Variants in GMDS observed in about 807,000 individuals in gnomAD.
The protein encoded by GMDS is GDP-mannose 4,6 dehydratase.
A neutral mutation model predicts 49.9 loss-of-function variants in GMDS; 20 were observed. The ratio of observed to expected loss-of-function variants is 0.40; its 90% CI spans 0.28 to 0.58. The LOEUF is 0.58. GMDS is among the 20% of genes least tolerant of loss of function. GMDS has a pLI of 0.42. For missense variants in GMDS, 362 were observed against 481.4 expected (o/e 0.75, Z 2.32); for synonymous variants, 177 against 178.6 (o/e 0.99, Z 0.07).
At position 1,961,017 on chromosome 6, in the gene GMDS, A is replaced by C. The variant is rs2628450; in HGVS notation, c.346-51T>G. The stretch of plus-strand genomic sequence containing the variant: ...CTGCATTAATAGCTTCATAGCACAA[A>C]GGTGCTGTCAGCAGGAACAAAGACT... On this transcript the variant is annotated intron_variant, in intron 4 of 10. Transcript: ENST00000380815. 1.0e-3 allele frequency: 1,102 copies of C among 1,087,706 alleles called. 7 individuals are homozygous for C. The African/African-American group carries it at 0.014, about 13-fold the overall frequency. 67.4% of individuals were successfully genotyped at this position (1,087,706 alleles called of 1,614,324 possible). A position where few individuals can be genotyped will look rare whatever the true frequency, so the allele number is the denominator to read the frequency against.
At chr6:1,820,991 C>G (rs773647931) in intron 7 of GMDS, among the ~76,000 whole-genome samples, 3 of 152,162 alleles carry the variant, frequency 2.0e-5, no homozygotes, top group Non-Finnish European at 4.4e-5. Context: ...CCAATGTTTT[C>G]TAAACACATG....
intron 1 of GMDS, among the ~76,000 whole-genome samples, chr6:2,193,720 A>ATTTTTTT (rs35997013): frequency 3.6e-5 from 4 of 111,790 alleles, no homozygotes; most frequent in Admixed American, 9.4e-5. Flanking sequence ...TGAAAATGCT[A>ATTTTTTT]TTTTTTTTTT....
intron 9 of GMDS, among the ~76,000 whole-genome samples, chr6:1,652,019 C>T (rs952281675): frequency 5.3e-5 from 8 of 151,898 alleles, no homozygotes; most frequent in East Asian, 3.9e-4. Context: ...AACTCAGAAA[C>T]GTTAATCTGA....
intron 9 of GMDS, among the ~76,000 whole-genome samples, chr6:1,654,595 A>G (rs910028290): frequency 6.6e-6 from 1 of 152,222 alleles, no homozygotes; most frequent in African/African-American, 2.4e-5. Flanking sequence ...GGTGGTTGCC[A>G]GAGCTTGGGG....
intron 7 of GMDS, among the ~76,000 whole-genome samples, chr6:1,887,943 GT>G (rs879301536): frequency 6.6e-6 from 1 of 151,608 alleles, no homozygotes; most frequent in African/African-American, 2.4e-5. Flanking sequence ...TAGTTTTTAG[GT>G]TTTTTTGTTT....
chr6:1,802,588 T>G (rs969694156), intron 7 of GMDS, among the ~76,000 whole-genome samples: 31 of 152,278 alleles, frequency 2.0e-4, no homozygotes, highest in Admixed American at 1.9e-3. Flanking sequence ...AAGGATAGTG[T>G]GACATTAACA....
chr6:1,783,015 C>T (rs1581175984), intron 7 of GMDS, among the ~76,000 whole-genome samples: 1 of 151,892 alleles, frequency 6.6e-6, no homozygotes, highest in African/African-American at 2.4e-5. Flanking sequence ...AATAGTCGGG[C>T]ATGTTAGCAT....
chr6:1,685,608 T>C (rs1443894431), intron 9 of GMDS, among the ~76,000 whole-genome samples: 2 of 152,172 alleles, frequency 1.3e-5, no homozygotes, highest in Non-Finnish European at 2.9e-5. Context: ...TTTATGCCCA[T>C]GGATTCCCAG....
At chr6:1,868,529 G>A (rs1217953755) in intron 7 of GMDS, among the ~76,000 whole-genome samples, 1 of 152,168 alleles carries the variant, frequency 6.6e-6, no homozygotes, top group Non-Finnish European at 1.5e-5. Flanking sequence ...GAAATCGAGA[G>A]CCATATTCTG....
Position 1,783,293 on chromosome 6 carries a change from A to G in GMDS, c.772-40707T>C, listed in dbSNP as rs529858645. On this transcript the variant is annotated intron_variant, in intron 7 of 10. Coordinates refer to ENST00000380815, the MANE Select transcript of GMDS (RefSeq NM_001500.4). The stretch of plus-strand genomic sequence containing the variant: ...AATCACTCAACTTAAAGACTCTGAT[A>G]TCCCTTCCTTTGGGAGATCTTGCTC... Among the ~76,000 whole-genome samples the G allele has an allele frequency of 1.4e-4, 22 of 152,364 alleles. No homozygotes were observed. In the South Asian group the frequency reaches 3.5e-3, roughly 24 times the overall value.
At chr6:2,157,108 C>A (rs151046914) in intron 1 of GMDS, among the ~76,000 whole-genome samples, 5 of 152,176 alleles carry the variant, frequency 3.3e-5, no homozygotes, top group Admixed American at 6.5e-5. Context: ...ATAACTGTAG[C>A]ACAGCACAGA....
At chr6:1,848,810 G>C (rs887735658) in intron 7 of GMDS, among the ~76,000 whole-genome samples, 1 of 152,162 alleles carries the variant, frequency 6.6e-6, no homozygotes, top group African/African-American at 2.4e-5. Context: ...ACCTAGGAGG[G>C]TGTGTGAAGT....
chr6:2,240,832 T>C (rs1781584424), intron 1 of GMDS, among the ~76,000 whole-genome samples: 1 of 152,174 alleles, frequency 6.6e-6, no homozygotes, highest in South Asian at 2.1e-4. Context: ...GTCTGTTGCA[T>C]TTGCTGTTCA....
At chr6:1,698,103 C>T (rs1055162272) in intron 9 of GMDS, among the ~76,000 whole-genome samples, 17 of 152,238 alleles carry the variant, frequency 1.1e-4, no homozygotes, top group African/African-American at 4.1e-4. Context: ...AGCCTCCCAA[C>T]ACCAGAGTCT....
chr6:2,038,059 G>C (rs1769408707), intron 4 of GMDS, among the ~76,000 whole-genome samples: 1 of 152,010 alleles, frequency 6.6e-6, no homozygotes, highest in African/African-American at 2.4e-5. Flanking sequence ...AAAGAGGGTT[G>C]GGGGGGAGGT....
intron 7 of GMDS, among the ~76,000 whole-genome samples, chr6:1,903,859 G>A (rs1362399649): frequency 1.3e-5 from 2 of 152,174 alleles, no homozygotes; most frequent in Non-Finnish European, 2.9e-5. Flanking sequence ...GGAACCTGGG[G>A]AGATGCAGCC....
intron 1 of GMDS, among the ~76,000 whole-genome samples, chr6:2,177,597 T>A (rs952735774): frequency 6.6e-6 from 1 of 152,124 alleles, no homozygotes; most frequent in Non-Finnish European, 1.5e-5. Flanking sequence ...AAAAACCACA[T>A]GATCATCTCA....
intron 1 of GMDS, among the ~76,000 whole-genome samples, chr6:2,237,947 G>A (rs1781440166): frequency 6.6e-6 from 1 of 152,194 alleles, no homozygotes; most frequent in Non-Finnish European, 1.5e-5. Flanking sequence ...AAGGGAAAGT[G>A]TTAATTTTCA....
At chr6:1,831,197 C>T (rs1405204859) in intron 7 of GMDS, among the ~76,000 whole-genome samples, 1 of 152,236 alleles carries the variant, frequency 6.6e-6, no homozygotes, top group South Asian at 2.1e-4. Context: ...GCTGGTTACA[C>T]TGGCCTCCTG....
Sources: gnomAD v4.1 joint callset for allele counts (sites outside exome capture counted in the v4.1 genomes callset) on GRCh38, gnomAD v4.1.1 for gene constraint, MANE v1.5 for transcripts, NCBI Gene and HGNC (gene_info 2026-07-23, HGNC 2026-07-21) for gene names.